MACROD1: variants seen among roughly 807,000 people sequenced by gnomAD.
The protein encoded by MACROD1 is mono-ADP ribosylhydrolase 1.
Under a neutral mutation model 41.4 loss-of-function variants are expected in MACROD1, and 31 were observed. The observed-to-expected ratio is 0.75, with a 90% CI of 0.56 to 1.01. The LOEUF is 1.01. MACROD1 is among the 50% of genes least tolerant of loss of function. The pLI, the probability that MACROD1 is intolerant of heterozygous loss-of-function variation, is 0.00. For missense variants in MACROD1, 473 were observed against 460.0 expected (o/e 1.03, Z -0.26); for synonymous variants, 252 against 203.4 (o/e 1.24, Z -2.03).
chr11:64,118,167 G>A (rs541305050), intron 3 of MACROD1: 13 of 1,613,698 alleles, frequency 8.1e-6, no homozygotes, highest in Middle Eastern at 1.7e-4. Context: ...AGAAGAGTAC[G>A]TGGTCCACAC....
At chr11:64,163,689 G>A (rs1247042085) in intron 1 of MACROD1, among the ~76,000 whole-genome samples, 1 of 152,220 alleles carries the variant, frequency 6.6e-6, no homozygotes, top group Non-Finnish European at 1.5e-5. Flanking sequence ...CGGCCTCAGA[G>A]GGAGGGAGAC....
At chr11:64,068,151 C>T (rs1379286524) in intron 3 of MACROD1, among the ~76,000 whole-genome samples, 3 of 152,216 alleles carry the variant, frequency 2.0e-5, no homozygotes, top group Admixed American at 1.3e-4. Context: ...TAAGATATGG[C>T]GTTCAAATTG....
intron 3 of MACROD1, among the ~76,000 whole-genome samples, chr11:64,085,558 C>A (rs989231811): frequency 6.6e-6 from 1 of 152,316 alleles, no homozygotes; most frequent in East Asian, 1.9e-4. Context: ...CTAAGTACGT[C>A]CCCTGCCGCC....
intron 2 of MACROD1, among the ~76,000 whole-genome samples, chr11:64,151,890 A>T (rs540072733): frequency 6.6e-6 from 1 of 152,312 alleles, no homozygotes; most frequent in African/African-American, 2.4e-5. Flanking sequence ...GCACTTTGGG[A>T]GGCCGTGGCG....
chr11:64,008,102 T>TA (rs1429452814), intron 4 of MACROD1, among the ~76,000 whole-genome samples: 6 of 152,096 alleles, frequency 3.9e-5, no homozygotes, highest in Admixed American at 1.3e-4. Context: ...GCTGAATACT[T>TA]AGAGGCCTGG....
intron 3 of MACROD1, among the ~76,000 whole-genome samples, chr11:64,046,263 C>CA (rs1943582099): frequency 6.6e-6 from 1 of 152,180 alleles, no homozygotes; most frequent in African/African-American, 2.4e-5. Flanking sequence ...AGAAGAGGGA[C>CA]AGGGGCCACC....
intron 3 of MACROD1, among the ~76,000 whole-genome samples, chr11:64,083,936 C>T (rs991593135): frequency 6.6e-6 from 1 of 152,162 alleles, no homozygotes; most frequent in Admixed American, 6.5e-5. Flanking sequence ...GGCACATATG[C>T]GGCAGCCCGG....
At chr11:64,030,188 A>C (rs1943275775) in intron 3 of MACROD1, among the ~76,000 whole-genome samples, 2 of 129,336 alleles carry the variant, frequency 1.5e-5, no homozygotes, top group Non-Finnish European at 3.6e-5. Flanking sequence ...CCCCAAACTC[A>C]CACCCAGACT....
chr11:64,019,372 G>A (rs933887270), intron 3 of MACROD1, among the ~76,000 whole-genome samples: 1 of 152,206 alleles, frequency 6.6e-6, no homozygotes, highest in Non-Finnish European at 1.5e-5. Context: ...CTGGGGGCCT[G>A]GAAACCTCAG....
chr11:64,055,874 G>A (rs1251547368), intron 3 of MACROD1, among the ~76,000 whole-genome samples: 1 of 152,210 alleles, frequency 6.6e-6, no homozygotes, highest in Non-Finnish European at 1.5e-5. Flanking sequence ...GTCTGCTATT[G>A]TCCTTCCAGG....
At chr11:64,158,326 G>C (rs1386952806) in intron 1 of MACROD1, among the ~76,000 whole-genome samples, 3 of 152,224 alleles carry the variant, frequency 2.0e-5, no homozygotes, top group African/African-American at 7.2e-5. Flanking sequence ...AGGCCTGAGG[G>C]CCTGAGGGGT....
Position 64,166,000 on chromosome 11 carries a change from G to T in MACROD1, c.-6C>A. On this transcript the variant is annotated 5_prime_UTR_variant, in exon 1 of 11. Coordinates refer to ENST00000255681, the MANE Select transcript of MACROD1 (RefSeq NM_014067.4). ...AGTCGGCTCTGTAGAGACATGAGCG[G>T]GCGGCGCGGGACGGCTCTCCGCCCA... 1 of 1,261,276 alleles carries T rather than the reference G, an allele frequency of 7.9e-7. No individual in the cohort carries two copies. Among genetic ancestry groups the T allele is most frequent in the Admixed American group, 4.2e-5 (1 of 23,770 alleles). 78.1% of individuals were successfully genotyped at this position (1,261,276 alleles called of 1,614,324 possible).
At chr11:64,138,559 G>A in intron 3 of MACROD1, 1 of 985,414 alleles carries the variant, frequency 1.0e-6, no homozygotes, top group Non-Finnish European at 1.2e-6. Context: ...ATACAGCCAG[G>A]CGGCAATAAT....
chr11:64,116,920 T>C, intron 3 of MACROD1: 2 of 1,611,436 alleles, frequency 1.2e-6, no homozygotes, highest in South Asian at 2.2e-5. Flanking sequence ...CTGCATGCCT[T>C]CAAGGGCCTC....
rs1943632949 is a variant in MACROD1 at position 64,048,693 on chromosome 11, G to T, written c.518-33412C>A. On this transcript the variant is annotated intron_variant, in intron 3 of 10. Transcript: ENST00000255681. ...GCCCTACAAAGTGCCTGCAGTTTTT[G>T]CTCCATTTTAGAGATGAGAAAACCA... Among the ~76,000 whole-genome samples, 3 of 152,072 alleles carry T rather than the reference G, an allele frequency of 2.0e-5. 1 individual carries two copies. The highest frequency in any genetic ancestry group is 4.1e-4 in the South Asian group (2 of 4,826).
intron 3 of MACROD1, among the ~76,000 whole-genome samples, chr11:64,128,143 A>T (rs1945213807): frequency 6.6e-6 from 1 of 151,854 alleles, no homozygotes. Context: ...CTGTCCTGCC[A>T]GGGCAGGAGC....
chr11:64,099,344 A>C (rs1944631346), intron 3 of MACROD1, among the ~76,000 whole-genome samples: 1 of 152,232 alleles, frequency 6.6e-6, no homozygotes, highest in Non-Finnish European at 1.5e-5. Context: ...CTCCTGGAGG[A>C]TGAGGGCATC....
intron 3 of MACROD1, among the ~76,000 whole-genome samples, chr11:64,061,248 G>A (rs1243570356): frequency 2.0e-5 from 3 of 152,232 alleles, no homozygotes; most frequent in Admixed American, 2.0e-4. Flanking sequence ...TGGCGATCAC[G>A]CGGTGTAATT....
At chr11:64,133,557 G>T (rs1040885758) in intron 3 of MACROD1, among the ~76,000 whole-genome samples, 1 of 152,204 alleles carries the variant, frequency 6.6e-6, no homozygotes, top group Non-Finnish European at 1.5e-5. Context: ...GGAAGCACTG[G>T]ACACAGGTAG....
Sources: gnomAD v4.1 joint callset for allele counts (sites outside exome capture counted in the v4.1 genomes callset) on GRCh38, gnomAD v4.1.1 for gene constraint, MANE v1.5 for transcripts, NCBI Gene and HGNC (gene_info 2026-07-23, HGNC 2026-07-21) for gene names.